Variants in CFAP47 observed in about 807,000 individuals in gnomAD.
CFAP47 encodes the protein cilia and flagella associated protein 47, also known as cilia- and flagella-associated protein 47.
Under a neutral mutation model 148.1 loss-of-function variants are expected in CFAP47, and 29 were observed. That is an observed-to-expected ratio of 0.20 (90% CI 0.15 to 0.27). The LOEUF is 0.27. CFAP47 is among the 10% of genes least tolerant of loss of function. The pLI is 1.00. For synonymous variants in CFAP47, 664 were observed against 577.3 expected, an observed-to-expected ratio of 1.15 and a Z score of -2.15; for missense variants, 1,872 against 1,697.5, an observed-to-expected ratio of 1.10 and a Z score of -1.81.
intron 60 of CFAP47, among the ~76,000 whole-genome samples, chrX:36,354,100 T>C (rs1430667659): frequency 9.8e-5 from 11 of 112,106 alleles, no homozygotes; most frequent in African/African-American, 3.6e-4. Context: ...AAAATGAACA[T>C]AAATTAGATA....
intron 4 of CFAP47, among the ~76,000 whole-genome samples, chrX:35,949,895 C>A (rs1936138280): frequency 1.8e-5 from 2 of 111,721 alleles, no homozygotes; most frequent in Admixed American, 1.9e-4. Context: ...TTATGGATTT[C>A]ATATTAGGAA....
intron 20 of CFAP47, among the ~76,000 whole-genome samples, 180 bp downstream of exon 20, chrX:36,000,607 T>G (rs751538009): frequency 2.7e-5 from 3 of 112,047 alleles, no homozygotes; most frequent in African/African-American, 9.7e-5. Context: ...AAATACATCA[T>G]TATTAATATC....
In CFAP47 at chrX:35,920,051, G is replaced by T; in HGVS notation, c.249+3G>T. The T allele has an allele frequency of 8.5e-7, 1 of 1,182,545 alleles. No individual in the cohort carries two copies. Among genetic ancestry groups the T allele is most frequent in the South Asian group, 1.9e-5 (1 of 51,833 alleles). ...TTAAGGAGCCCGTCAAGCCACAGGT[G>T]ACACACTAAGGGGTGCTGGGAGCGG... On this transcript the variant is annotated splice_donor_region_variant and intron_variant, in intron 1 of 63. Transcript: ENST00000378653.
intron 25 of CFAP47, among the ~76,000 whole-genome samples, chrX:36,039,676 G>C (rs1397324659): frequency 9.0e-6 from 1 of 111,695 alleles, no homozygotes; most frequent in African/African-American, 3.3e-5. Context: ...GTTGTTGACA[G>C]AATTGATTTC....
At chrX:36,104,148 C>T (rs1430208043) in intron 32 of CFAP47, among the ~76,000 whole-genome samples, 1 of 111,892 alleles carries the variant, frequency 8.9e-6, no homozygotes, top group African/African-American at 3.2e-5. Flanking sequence ...GCTGCATGAG[C>T]TGGTAAGGAA....
chrX:36,371,592 C>A (rs1244621863), intron 62 of CFAP47, among the ~76,000 whole-genome samples: 1 of 84,842 alleles, frequency 1.2e-5, no homozygotes, highest in Non-Finnish European at 2.3e-5. Flanking sequence ...TATGTGTATA[C>A]ATGTGTGTAT....
chrX:36,023,556 C>A (rs1406442085), intron 22 of CFAP47, among the ~76,000 whole-genome samples: 2 of 112,039 alleles, frequency 1.8e-5, no homozygotes, highest in Non-Finnish European at 3.8e-5. Context: ...GCAAATTCCC[C>A]CAGGCCCCGG....
At chrX:36,246,264 C>T (rs1023938141) in intron 48 of CFAP47, among the ~76,000 whole-genome samples, 4 of 111,100 alleles carry the variant, frequency 3.6e-5, no homozygotes, top group Non-Finnish European at 7.6e-5. Context: ...GTGAATAAAC[C>T]CTTCTGAAAA....
chrX:36,364,506 C>T (rs1362823363), intron 61 of CFAP47, among the ~76,000 whole-genome samples: 1 of 108,770 alleles, frequency 9.2e-6, no homozygotes, highest in African/African-American at 3.3e-5. Flanking sequence ...TTAAAGGATG[C>T]ACATCAGATA....
At chrX:36,242,790 G>T (rs191096290) in intron 48 of CFAP47, among the ~76,000 whole-genome samples, 221 of 111,767 alleles carry the variant, frequency 2.0e-3, no homozygotes, top group Middle Eastern at 4.6e-3. Flanking sequence ...CCCTAATCTT[G>T]CTAGAGAGGT....
intron 21 of CFAP47, among the ~76,000 whole-genome samples, chrX:36,007,156 T>A (rs1050226957): frequency 1.3e-4 from 15 of 112,322 alleles, no homozygotes; most frequent in Non-Finnish European, 2.6e-4. Flanking sequence ...TCCCTGCAGT[T>A]TTTGAATGTG....
chrX:35,946,181 T>C (rs1322632842), intron 3 of CFAP47, among the ~76,000 whole-genome samples: 1 of 111,535 alleles, frequency 9.0e-6, no homozygotes, highest in African/African-American at 3.3e-5. Flanking sequence ...CCAACATTCT[T>C]TTTTTCAATA....
chrX:36,160,082 T>A (rs1386566986), intron 38 of CFAP47, among the ~76,000 whole-genome samples: 1 of 111,508 alleles, frequency 9.0e-6, no homozygotes, highest in East Asian at 2.8e-4. Context: ...GATTTCCAAA[T>A]GGATTATAAA....
At chrX:35,934,018 G>T (rs2146623076) in intron 2 of CFAP47, among the ~76,000 whole-genome samples, 1 of 111,288 alleles carries the variant, frequency 9.0e-6, no homozygotes, top group African/African-American at 3.3e-5. Flanking sequence ...CCATACTGTG[G>T]GTTGTCTCTT....
rs1444600340 is a variant in CFAP47 at position 36,277,164 on chromosome X, A to C, written c.7445-3323A>C. Among the ~76,000 whole-genome samples, 3 of 112,356 alleles carry C rather than the reference A, an allele frequency of 2.7e-5. No homozygotes were observed. In the Admixed American group the frequency reaches 2.8e-4, roughly 11 times the overall value. On this transcript the variant is annotated intron_variant, in intron 49 of 63. Transcript: ENST00000378653. ...TTTAATTTCATGGACATGTACAGTAAATTATTCACATTTAGTTTCATAATA... is the reference window on the plus strand; with the variant it reads ...TTTAATTTCATGGACATGTACAGTACATTATTCACATTTAGTTTCATAATA...
At position 36,236,015 on chromosome X, in the gene CFAP47, G is replaced by A. The variant is rs1940459921; in HGVS notation, c.7096G>A (p.Gly2366Arg). ...TTATGGACCTGTTGATTTACATGTT[G>A]GACCAGATGAAATTGTGGAGTATCC... Reference protein sequence around the residue: ...WFYGPVDLHVGPDEIVEYPLT... With the variant: ...WFYGPVDLHVRPDEIVEYPLT... Residue 2366 changes from glycine (G) to arginine (R), a missense_variant, in exon 47 of 64, where the codon GGA (glycine) becomes AGA (arginine). Gly to Arg is a moderately radical substitution (Grantham distance 125). Coordinates refer to ENST00000378653, the MANE Select transcript of CFAP47 (RefSeq NM_001304548.2). 2 of 513,213 alleles carry A rather than the reference G, an allele frequency of 3.9e-6. No individual in the cohort carries two copies. The highest frequency in any genetic ancestry group is 5.4e-5 in the South Asian group (2 of 37,114). 42.3% of individuals were successfully genotyped at this position (513,213 alleles called of 1,213,427 possible). A position where few individuals can be genotyped will look rare whatever the true frequency, so the allele number is the denominator to read the frequency against.
At chrX:36,135,418 C>T (rs1046113492) in intron 33 of CFAP47, among the ~76,000 whole-genome samples, 1 of 111,722 alleles carries the variant, frequency 9.0e-6, no homozygotes, top group East Asian at 2.8e-4. Flanking sequence ...ATGAATACCT[C>T]ATCTCTGTGA....
At chrX:36,144,412 T>C in intron 35 of CFAP47, 1 of 639,662 alleles carries the variant, frequency 1.6e-6, no homozygotes, top group South Asian at 3.4e-5. Flanking sequence ...CACAAATATT[T>C]TAAATGTTTT....
chrX:36,098,046 T>C (rs1467079265), intron 30 of CFAP47, among the ~76,000 whole-genome samples: 1 of 111,888 alleles, frequency 8.9e-6, no homozygotes, highest in African/African-American at 3.3e-5. Context: ...AAATAGCCTG[T>C]CTTCAAGCTC....
Sources: allele counts gnomAD v4.1 joint callset (sites outside exome capture counted in the v4.1 genomes callset), GRCh38; gene constraint gnomAD v4.1.1; transcripts MANE v1.5; gene names NCBI Gene and HGNC (gene_info 2026-07-23, HGNC 2026-07-21).